The following MICU2 variants were observed in gnomAD, a reference collection of about 807,000 sequenced individuals.
MICU2 encodes calcium uptake protein 2, mitochondrial.
MICU2 carries 64 observed loss-of-function variants against 60.4 expected under a neutral mutation model. The observed-to-expected ratio is 1.06, with a 90% CI of 0.87 to 1.31. MICU2 has a LOEUF of 1.31. Among genes scored for constraint, MICU2 ranks in the 50% most tolerant of loss-of-function variants. MICU2 has a pLI of 0.00. For synonymous variants in MICU2, 201 were observed against 175.0 expected (o/e 1.15, Z -1.17); for missense variants, 569 against 531.0 (o/e 1.07, Z -0.70).
intron 1 of MICU2, among the ~76,000 whole-genome samples, chr13:21,578,179 T>C (rs1473777210): frequency 2.0e-5 from 3 of 152,186 alleles, no homozygotes; most frequent in Non-Finnish European, 2.9e-5. Flanking sequence ...TCCTCAAGAA[T>C]AGAAAGTATC....
At chr13:21,496,324 G>A (rs949910929) in intron 9 of MICU2, 164 bp from the exon 10 acceptor site, 31 of 576,080 alleles carry the variant, frequency 5.4e-5, no homozygotes, top group East Asian at 6.1e-5. Context: ...CACAGAAATG[G>A]CCACACAAAG....
intron 2 of MICU2, among the ~76,000 whole-genome samples, chr13:21,539,970 G>A (rs1220310627): frequency 6.6e-6 from 1 of 152,010 alleles, no homozygotes; most frequent in Non-Finnish European, 1.5e-5. Context: ...ATTTATCCTA[G>A]TTGTATGAAT....
intron 4 of MICU2, among the ~76,000 whole-genome samples, chr13:21,536,433 T>C (rs1887133068): frequency 6.6e-6 from 1 of 152,028 alleles, no homozygotes; most frequent in Non-Finnish European, 1.5e-5. Context: ...GCTCAAGCGA[T>C]CCTGTCACCT....
intron 9 of MICU2, among the ~76,000 whole-genome samples, chr13:21,497,495 G>A (rs1886031150): frequency 6.6e-6 from 1 of 152,184 alleles, no homozygotes; most frequent in African/African-American, 2.4e-5. Flanking sequence ...GACTGCCTGA[G>A]CTCAGGAGTT....
intron 2 of MICU2, among the ~76,000 whole-genome samples, chr13:21,540,104 G>C (rs1371046613): frequency 6.6e-6 from 1 of 151,924 alleles, no homozygotes; most frequent in African/African-American, 2.4e-5. Flanking sequence ...TTGAACTCTG[G>C]AAAGTCCTCT....
At chr13:21,518,044 C>A (rs911789760) in intron 6 of MICU2, among the ~76,000 whole-genome samples, 3 of 152,038 alleles carry the variant, frequency 2.0e-5, no homozygotes, top group Non-Finnish European at 2.9e-5. Flanking sequence ...AAAACAAAAT[C>A]AATGATGTAT....
chr13:21,544,653 G>A (rs534602497), intron 2 of MICU2, among the ~76,000 whole-genome samples: 1 of 152,114 alleles, frequency 6.6e-6, no homozygotes, highest in South Asian at 2.1e-4. Context: ...AGGATGCAGA[G>A]AAAAGGAATT....
chr13:21,501,312 G>C (rs1460009940), intron 9 of MICU2, among the ~76,000 whole-genome samples: 1 of 151,794 alleles, frequency 6.6e-6, no homozygotes, highest in African/African-American at 2.4e-5. Context: ...ACCCAGGCTG[G>C]AGTGCAGTGG....
intron 1 of MICU2, among the ~76,000 whole-genome samples, chr13:21,582,564 T>C (rs1888370093): frequency 6.6e-6 from 1 of 152,226 alleles, no homozygotes; most frequent in South Asian, 2.1e-4. Flanking sequence ...TCAAAGAATA[T>C]GTACGTTCAA....
intron 4 of MICU2, chr13:21,531,394 G>T (rs9506697): frequency 9.8e-7 from 1 of 1,021,788 alleles, no homozygotes; most frequent in East Asian, 2.4e-5. Flanking sequence ...AGTTTAAAAC[G>T]AGAGTGGTCC....
At chr13:21,543,695 G>A (rs548427774) in intron 2 of MICU2, among the ~76,000 whole-genome samples, 4 of 152,082 alleles carry the variant, frequency 2.6e-5, no homozygotes, top group South Asian at 2.1e-4. Flanking sequence ...AAACATCCCC[G>A]GCTCGTGGAT....
At chr13:21,505,944 G>A (rs966027342) in intron 8 of MICU2, among the ~76,000 whole-genome samples, 2 of 152,096 alleles carry the variant, frequency 1.3e-5, no homozygotes, top group African/African-American at 4.8e-5. Context: ...CATGCACCAT[G>A]TAAGTACCTG....
chr13:21,555,818 A>G (rs1483666277), intron 2 of MICU2, among the ~76,000 whole-genome samples: 1 of 152,114 alleles, frequency 6.6e-6, no homozygotes, highest in Non-Finnish European at 1.5e-5. Flanking sequence ...GTAATAAACA[A>G]CTTGACCAGC....
At chr13:21,508,156 C>T (rs1315433014) in intron 8 of MICU2, among the ~76,000 whole-genome samples, 6 of 148,632 alleles carry the variant, frequency 4.0e-5, no homozygotes, top group Admixed American at 2.7e-4. Flanking sequence ...GACGGAGTCT[C>T]GCTCTGTCAC....
rs776458287 is a variant in MICU2, at chr13:21,566,836, G to A, written c.319C>T (p.Arg107Ter). Residue 107 changes from arginine (R) to a stop codon, truncating the protein, a stop_gained, in exon 2 of 12, where the codon CGA becomes TGA. Coordinates refer to ENST00000382374, the MANE Select transcript of MICU2 (RefSeq NM_152726.3). LOFTEE classifies it high-confidence loss of function. ...EHEGEYYMTP[R>*]DFLFSVMFEQ... The stretch of plus-strand genomic sequence containing the variant: ...AACATCACTGAGAAGAGGAAGTCTC[G>A]TGGTGTCATATAATATTCTCCTTCA... 1.7e-5 allele frequency: 27 copies of A among 1,609,108 alleles called. No homozygotes were observed. The highest frequency in any genetic ancestry group is 2.2e-5 in the Non-Finnish European group (26 of 1,178,048).
chr13:21,517,026 T>C (rs1757102010), intron 6 of MICU2, among the ~76,000 whole-genome samples: 1 of 152,222 alleles, frequency 6.6e-6, no homozygotes, highest in African/African-American at 2.4e-5. Flanking sequence ...GGATTAACCA[T>C]TCCTGGCTTT....
At chr13:21,572,685 T>G (rs763726343) in intron 1 of MICU2, among the ~76,000 whole-genome samples, 1 of 152,194 alleles carries the variant, frequency 6.6e-6, no homozygotes, top group Non-Finnish European at 1.5e-5. Context: ...CTTTTTTCCT[T>G]TCCAGGAGGA....
chr13:21,548,226 C>T (rs1027456620), intron 2 of MICU2, among the ~76,000 whole-genome samples: 5 of 152,152 alleles, frequency 3.3e-5, no homozygotes, highest in South Asian at 4.1e-4. Flanking sequence ...AATGCATGGT[C>T]TCAACTTTGT....
At chr13:21,578,632 T>C (rs188575907) in intron 1 of MICU2, among the ~76,000 whole-genome samples, 113 of 152,202 alleles carry the variant, frequency 7.4e-4, no homozygotes, top group Non-Finnish European at 1.1e-3. Flanking sequence ...TGAACCAATA[T>C]GCAAAAGTGG....
Sources: gnomAD v4.1 joint callset for allele counts (sites outside exome capture counted in the v4.1 genomes callset) on GRCh38, gnomAD v4.1.1 for gene constraint, MANE v1.5 for transcripts, NCBI Gene and HGNC (gene_info 2026-07-23, HGNC 2026-07-21) for gene names.